PRSS23: variants seen among roughly 807,000 people sequenced by gnomAD.
PRSS23 encodes serine protease 23, also known as protease, serine 23.
PRSS23 carries 25 observed loss-of-function variants against 34.7 expected under a neutral mutation model. The observed-to-expected ratio is 0.72, with a 90% CI of 0.53 to 1.01. The LOEUF is 1.01. PRSS23 is among the 50% of genes least tolerant of loss of function. The probability of loss-of-function intolerance (pLI) is 0.00; values close to 1 mark genes in which losing one functional copy is unlikely to be tolerated. For missense variants in PRSS23, 445 were observed against 475.6 expected, an observed-to-expected ratio of 0.94 and a Z score of 0.60; for synonymous variants, 176 against 186.6, an observed-to-expected ratio of 0.94 and a Z score of 0.46.
intron 2 of PRSS23, among the ~76,000 whole-genome samples, chr11:86,863,400 C>A (rs1948628908): frequency 7.4e-6 from 1 of 135,320 alleles, no homozygotes; most frequent in South Asian, 2.2e-4. Flanking sequence ...CTAGTCCCTT[C>A]ATGGCACCCA....
chr11:86,884,660 A>G (rs531664139), intron 2 of PRSS23, among the ~76,000 whole-genome samples: 6 of 152,268 alleles, frequency 3.9e-5, no homozygotes, highest in South Asian at 4.1e-4. Flanking sequence ...CCATGGAACA[A>G]TCTCCAAATT....
intron 2 of PRSS23, among the ~76,000 whole-genome samples, chr11:86,943,130 A>T (rs955652300): frequency 5.3e-5 from 8 of 152,276 alleles, no homozygotes; most frequent in Non-Finnish European, 8.8e-5. Flanking sequence ...GGTGGGCAAG[A>T]GACCAGCCAA....
intron 2 of PRSS23, among the ~76,000 whole-genome samples, chr11:86,927,407 C>T (rs111658798): frequency 3.9e-5 from 6 of 152,326 alleles, no homozygotes; most frequent in African/African-American, 1.4e-4. Context: ...AGCTGGCATT[C>T]TCCAGTTGGC....
At chr11:86,937,757 T>A (rs917937079) in intron 2 of PRSS23, 1 of 152,240 alleles carries the variant, frequency 6.6e-6, no homozygotes, top group African/African-American at 2.4e-5. Context: ...CCAGAAGCCT[T>A]CTGTCAGTGG....
At chr11:86,824,279 T>C (rs1332506381) in intron 2 of PRSS23, among the ~76,000 whole-genome samples, 2 of 146,048 alleles carry the variant, frequency 1.4e-5, no homozygotes, top group East Asian at 4.0e-4. Context: ...CTGCACTTAC[T>C]CCATTCTGGG....
At chr11:86,804,009 A>G (rs902806482) in intron 1 of PRSS23, among the ~76,000 whole-genome samples, 2 of 152,200 alleles carry the variant, frequency 1.3e-5, no homozygotes, top group Non-Finnish European at 1.5e-5. Flanking sequence ...TATAGTCAGC[A>G]TCGTCCCTGA....
At chr11:86,905,852 AC>A (rs1037745487) in intron 2 of PRSS23, among the ~76,000 whole-genome samples, 1 of 152,198 alleles carries the variant, frequency 6.6e-6, no homozygotes, top group African/African-American at 2.4e-5. Context: ...ACCCCTTTGC[AC>A]CAACCCGCTG....
At position 86,807,714 on chromosome 11, in the gene PRSS23, A is replaced by C; in HGVS notation, c.71A>C (p.Tyr24Ser). The C allele has an allele frequency of 6.2e-7, 1 of 1,613,960 alleles. No individual in the cohort carries two copies. Among genetic ancestry groups the C allele is most frequent in the Non-Finnish European group, 8.5e-7 (1 of 1,179,968 alleles). ...LLCAVGQVSP[Y>S]SAPWKPTWPA... Reference sequence around the variant, plus strand: ...TGTGCTGTTGGGCAAGTGAGCCCTTACAGTGCCCCCTGGAAACCCACTTGG... The same window carrying C: ...TGTGCTGTTGGGCAAGTGAGCCCTTCCAGTGCCCCCTGGAAACCCACTTGG... Residue 24 changes from tyrosine to serine, a missense_variant, in exon 2 of 2, where the codon TAC becomes TCC. Transcript: ENST00000280258.
At chr11:86,883,060 T>C (rs1479034130) in intron 2 of PRSS23, among the ~76,000 whole-genome samples, 3 of 152,236 alleles carry the variant, frequency 2.0e-5, no homozygotes, top group Non-Finnish European at 4.4e-5. Context: ...GTTTGTTTCT[T>C]TCTGGTAAAT....
intron 2 of PRSS23, among the ~76,000 whole-genome samples, chr11:86,906,195 T>G (rs1324903271): frequency 1.3e-5 from 2 of 152,152 alleles, no homozygotes; most frequent in Non-Finnish European, 2.9e-5. Context: ...CCTCTAATAT[T>G]GTCTGCCAGT....
chr11:86,915,712 G>A (rs1393314382), intron 2 of PRSS23, among the ~76,000 whole-genome samples: 1 of 151,788 alleles, frequency 6.6e-6, no homozygotes, highest in Non-Finnish European at 1.5e-5. Flanking sequence ...CTAAATTATA[G>A]AGCAACTGTA....
chr11:86,890,317 A>G (rs1948833081), intron 2 of PRSS23, among the ~76,000 whole-genome samples: 1 of 152,180 alleles, frequency 6.6e-6, no homozygotes, highest in African/African-American at 2.4e-5. Context: ...AGCTAACATT[A>G]AGAAGCATTG....
At chr11:86,907,571 C>G (rs1285678201) in intron 2 of PRSS23, among the ~76,000 whole-genome samples, 1 of 152,080 alleles carries the variant, frequency 6.6e-6, no homozygotes, top group Non-Finnish European at 1.5e-5. Flanking sequence ...GCAGTCCCCC[C>G]ATCTTAGCCT....
chr11:86,834,972 G>T (rs1015754441), intron 2 of PRSS23, among the ~76,000 whole-genome samples: 2 of 152,180 alleles, frequency 1.3e-5, no homozygotes, highest in African/African-American at 4.8e-5. Context: ...TATACAAGTT[G>T]AGGTGGGGAT....
chr11:86,878,508 G>A (rs914019348), intron 2 of PRSS23, among the ~76,000 whole-genome samples: 8 of 152,112 alleles, frequency 5.3e-5, no homozygotes, highest in East Asian at 1.9e-4. Flanking sequence ...CGAGTGATCC[G>A]CCAGCCTCGG....
intron 2 of PRSS23, chr11:86,921,852 G>C (rs1473287142): frequency 9.2e-5 from 14 of 152,228 alleles, no homozygotes; most frequent in Admixed American, 9.2e-4. Flanking sequence ...GCGGGAGCTA[G>C]AGACACTGTG....
At chr11:86,912,040 G>A (rs117636528) in intron 2 of PRSS23, 1 of 152,210 alleles carries the variant, frequency 6.6e-6, no homozygotes, top group South Asian at 2.1e-4. Context: ...GCCTCTCAAA[G>A]TGTTGGGATT....
intron 2 of PRSS23, among the ~76,000 whole-genome samples, chr11:86,865,201 G>A (rs1473185498): frequency 2.0e-5 from 3 of 152,202 alleles, no homozygotes; most frequent in East Asian, 1.9e-4. Flanking sequence ...ACGGTACAGT[G>A]GGGAGGCCAT....
At chr11:86,858,500 G>T (rs1056039313) in intron 2 of PRSS23, among the ~76,000 whole-genome samples, 1 of 151,364 alleles carries the variant, frequency 6.6e-6, no homozygotes, top group Admixed American at 6.6e-5. Flanking sequence ...GGTGTACACC[G>T]CCCCTATGAT....
Sources: gnomAD v4.1 joint callset for allele counts (sites outside exome capture counted in the v4.1 genomes callset) on GRCh38, gnomAD v4.1.1 for gene constraint, MANE v1.5 for transcripts, NCBI Gene and HGNC (gene_info 2026-07-23, HGNC 2026-07-21) for gene names.